YTHDF3: variants seen among roughly 807,000 people sequenced by gnomAD.
YTHDF3 encodes the protein YTH domain-containing family protein 3.
Under a neutral mutation model 52.5 loss-of-function variants are expected in YTHDF3, and 9 were observed. The ratio of observed to expected loss-of-function variants is 0.17; its 90% CI spans 0.10 to 0.30. The LOEUF is 0.30. YTHDF3 is among the 10% of genes least tolerant of loss of function. The pLI is 1.00. For synonymous variants in YTHDF3, 274 were observed against 243.3 expected, an observed-to-expected ratio of 1.13 and a Z score of -1.18; for missense variants, 534 against 715.0, an observed-to-expected ratio of 0.75 and a Z score of 2.89.
intron 3 of YTHDF3, among the ~76,000 whole-genome samples, chr8:63,185,525 T>A (rs1808439844): frequency 6.6e-6 from 1 of 152,220 alleles, no homozygotes; most frequent in African/African-American, 2.4e-5. Context: ...GGAATTTGTT[T>A]TATGTCTTTT....
chr8:63,168,998 G>A, intron 1 of YTHDF3, 97 bp downstream of exon 1: 1 of 1,501,850 alleles, frequency 6.7e-7, no homozygotes, highest in Non-Finnish European at 8.8e-7. Context: ...GCCGCTGCCG[G>A]CCCCATAACG....
chr8:63,204,861 T>C (rs1027364128), intron 4 of YTHDF3, among the ~76,000 whole-genome samples: 4 of 152,208 alleles, frequency 2.6e-5, no homozygotes, highest in African/African-American at 7.2e-5. Flanking sequence ...TACCGAAATA[T>C]TGCTAATGGT....
chr8:63,180,621 G>A (rs1808060210), intron 3 of YTHDF3, among the ~76,000 whole-genome samples: 1 of 152,220 alleles, frequency 6.6e-6, no homozygotes, highest in African/African-American at 2.4e-5. Flanking sequence ...GCCAAGGCAG[G>A]CTGCTGGGAG....
At chr8:63,171,469 T>C (rs1056049378) in intron 2 of YTHDF3, among the ~76,000 whole-genome samples, 4 of 152,176 alleles carry the variant, frequency 2.6e-5, no homozygotes, top group Non-Finnish European at 5.9e-5. Flanking sequence ...AAAATGCTAC[T>C]GGCCTGAAAG....
chr8:63,177,181 G>GT (rs1182084573), intron 3 of YTHDF3, among the ~76,000 whole-genome samples: 1 of 152,192 alleles, frequency 6.6e-6, no homozygotes, highest in Non-Finnish European at 1.5e-5. Context: ...GAACTGAACA[G>GT]TTTGTACAGT....
chr8:63,190,524 G>T (rs1050380099), intron 4 of YTHDF3, among the ~76,000 whole-genome samples: 6 of 151,948 alleles, frequency 3.9e-5, no homozygotes, highest in Admixed American at 3.3e-4. Context: ...TCCTAAAGCC[G>T]CCTCCTTACA....
rs779791414 is a variant in YTHDF3, at chr8:63,187,181, AGTGCATCCC to A, written c.1175_1183del (p.His392_Val394del). ...TCAGTGCTTCACCTTCTAGTGTAGA[AGTGCATCCC>A]GTGCTGGAAAAGCTAAAGGCCATAA... is the stretch of plus-strand genomic sequence containing the variant. On this transcript the variant is annotated inframe_deletion, in exon 4 of 5. Transcript: ENST00000539294. The A allele has an allele frequency of 1.2e-6, 2 of 1,613,894 alleles. No homozygotes were observed. Among genetic ancestry groups the A allele is most frequent in the Non-Finnish European group, 1.7e-6 (2 of 1,179,886 alleles).
chr8:63,207,377 G>A (rs1005652879), intron 4 of YTHDF3, among the ~76,000 whole-genome samples: 7 of 152,204 alleles, frequency 4.6e-5, no homozygotes, highest in African/African-American at 1.7e-4. Context: ...CCGGTATCTG[G>A]TGGTTTCATT....
rs560131544 is a variant in YTHDF3, at chr8:63,168,825, G to C, written c.-53G>C. 12 of 1,551,926 alleles carry C rather than the reference G, an allele frequency of 7.7e-6. No homozygotes were observed. The highest frequency in any genetic ancestry group is 1.0e-5 in the Non-Finnish European group (12 of 1,147,782). The stretch of plus-strand genomic sequence containing the variant: ...CGACAGCCAACTGCTGTGAGTGCAC[G>C]GGGAGAGGCCCAGGCAGCGGCGGCG... On this transcript the variant is annotated 5_prime_UTR_variant, in exon 1 of 5. Transcript: ENST00000539294.
chr8:63,197,068 G>A (rs1011769261), intron 4 of YTHDF3, among the ~76,000 whole-genome samples: 1 of 152,118 alleles, frequency 6.6e-6, no homozygotes, highest in Admixed American at 6.5e-5. Context: ...GACAGTGTGG[G>A]CCCTTGGTTG....
intron 3 of YTHDF3, among the ~76,000 whole-genome samples, chr8:63,180,012 C>T (rs1295108161): frequency 2.7e-5 from 4 of 148,026 alleles, no homozygotes; most frequent in South Asian, 2.2e-4. Context: ...GGCGGCTGGC[C>T]GGGCGGGGGG....
chr8:63,209,896 C>T lies in YTHDF3; in HGVS notation c.*190C>T. 2.0e-6 allele frequency: 1 copy of T among 511,204 alleles called. No individual in the cohort carries two copies. The highest frequency in any genetic ancestry group is 3.4e-5 in the South Asian group (1 of 29,168). 31.7% of individuals were successfully genotyped at this position (511,204 alleles called of 1,614,324 possible). A position where few individuals can be genotyped will look rare whatever the true frequency, so the allele number is the denominator to read the frequency against. Reference sequence around the variant, plus strand: ...CTGCCCTTATACTCTTCACCAAACACACTTGAGAACTGTAACTTCGTCAAG... The same window carrying T: ...CTGCCCTTATACTCTTCACCAAACATACTTGAGAACTGTAACTTCGTCAAG... On this transcript the variant is annotated 3_prime_UTR_variant, in exon 5 of 5. Transcript: ENST00000539294.
Position 63,168,894 on chromosome 8 carries a change from T to A in YTHDF3, c.17T>A (p.Val6Glu). 1 of 1,553,168 alleles carries A rather than the reference T, an allele frequency of 6.4e-7. No individual in the cohort carries two copies. The highest frequency in any genetic ancestry group is 8.7e-7 in the Non-Finnish European group (1 of 1,148,292). Reference protein sequence around the residue: MSATSVDQRPKGQGNK... With the variant: MSATSEDQRPKGQGNK... Reference sequence around the variant, plus strand: ...CGGTGAAGAATGTCAGCCACTAGCGTGGATCAGGTGAGGGAGCAGAGGCCC... The same window carrying A: ...CGGTGAAGAATGTCAGCCACTAGCGAGGATCAGGTGAGGGAGCAGAGGCCC... Residue 6 changes from valine (V) to glutamate (E), a missense_variant, in exon 1 of 5, where the codon GTG becomes GAG. Physicochemically the swap from Val to Glu is moderately radical, Grantham distance 121. Coordinates refer to ENST00000539294, the MANE Select transcript of YTHDF3 (RefSeq NM_152758.6).
intron 4 of YTHDF3, among the ~76,000 whole-genome samples, chr8:63,208,654 G>A (rs527787479): frequency 2.0e-5 from 3 of 152,190 alleles, no homozygotes; most frequent in Non-Finnish European, 2.9e-5. Context: ...ACTACTTGAT[G>A]TGTTCAGTTG....
Position 63,198,422 on chromosome 8 carries a change from A to G in YTHDF3, c.1734+10677A>G, listed in dbSNP as rs547222630. On this transcript the variant is annotated intron_variant, in intron 4 of 4. Transcript: ENST00000539294. Reference sequence around the variant, plus strand: ...GCCAGGACTACAGGTGTGCGCCACCATGGCTGGCTAATTTTTGTATTTTTA... The same window carrying G: ...GCCAGGACTACAGGTGTGCGCCACCGTGGCTGGCTAATTTTTGTATTTTTA... Among the ~76,000 whole-genome samples, 9 of 152,176 alleles carry G rather than the reference A, an allele frequency of 5.9e-5. No homozygotes were observed. In the East Asian group the frequency reaches 1.5e-3, roughly 26 times the overall value.
chr8:63,193,413 T>G (rs964800975), intron 4 of YTHDF3, among the ~76,000 whole-genome samples: 2 of 150,754 alleles, frequency 1.3e-5, no homozygotes, highest in African/African-American at 4.9e-5. Flanking sequence ...GCAGCCATGT[T>G]TCTTAAAAGA....
intron 2 of YTHDF3, among the ~76,000 whole-genome samples, chr8:63,171,751 TC>T (rs998967934): frequency 5.9e-5 from 9 of 152,354 alleles, no homozygotes; most frequent in Admixed American, 5.9e-4. Flanking sequence ...ATATGAGTAA[TC>T]TTGAATTCTG....
At chr8:63,187,800 G>A (rs893057359) in intron 4 of YTHDF3, 55 bp downstream of exon 4, 2 of 1,497,162 alleles carry the variant, frequency 1.3e-6, no homozygotes, top group Non-Finnish European at 1.8e-6. Flanking sequence ...TGGGGTGCAT[G>A]GATGGGTATA....
In YTHDF3 at chr8:63,210,455, A is replaced by C. The variant is rs1810312682; in HGVS notation, c.*749A>C. On this transcript the variant is annotated 3_prime_UTR_variant, in exon 5 of 5. Coordinates refer to ENST00000539294, the MANE Select transcript of YTHDF3 (RefSeq NM_152758.6). ...GGAATTATTTTGTTTGCTACCACTTAATGAATCTCAAAATTTTGAGTAAAT... is the reference window on the plus strand; with the variant it reads ...GGAATTATTTTGTTTGCTACCACTTCATGAATCTCAAAATTTTGAGTAAAT... 1 of 152,568 alleles carries C rather than the reference A, an allele frequency of 6.6e-6. No individual in the cohort carries two copies. Among genetic ancestry groups the C allele is most frequent in the African/African-American group, 2.4e-5 (1 of 41,430 alleles). 9.5% of individuals were successfully genotyped at this position (152,568 alleles called of 1,614,324 possible).
Sources: gnomAD v4.1 joint callset for allele counts (sites outside exome capture counted in the v4.1 genomes callset) on GRCh38, gnomAD v4.1.1 for gene constraint, MANE v1.5 for transcripts, NCBI Gene and HGNC (gene_info 2026-07-23, HGNC 2026-07-21) for gene names.